The following HIVEP1 variants were observed in gnomAD, a reference collection of about 807,000 sequenced individuals.
The protein encoded by HIVEP1 is zinc finger protein 40.
In HIVEP1, 36 loss-of-function variants were observed where a neutral mutation model predicts 180.0. The observed-to-expected ratio is 0.20, with a 90% CI of 0.15 to 0.26. The LOEUF (loss-of-function observed/expected upper bound fraction) is 0.26. Ranked by LOEUF, HIVEP1 falls within the 10% of genes least tolerant of loss-of-function variation. The pLI is 1.00. For synonymous variants in HIVEP1, 1,239 were observed against 1,239.0 expected (o/e 1.00, Z 0.00); for missense variants, 3,143 against 3,268.7 (o/e 0.96, Z 0.94).
rs1760435353 is a variant in HIVEP1, at chr6:12,161,929, G to A, written c.6978G>A (p.Gln2326=). The A allele has an allele frequency of 6.3e-7, 1 of 1,592,650 alleles. No individual in the cohort carries two copies. The highest frequency in any genetic ancestry group is 1.4e-5 in the African/African-American group (1 of 74,026). The change falls in exon 8 of 9, where the codon CAG becomes CAA. Residue 2326 remains glutamine (Q), a splice_region_variant and synonymous_variant. Coordinates refer to ENST00000379388, the MANE Select transcript of HIVEP1 (RefSeq NM_002114.4). ...CAGGAAAAGCTGTTGCTATAACACA[G>A]GTAAATGATTGGCAGTTGTTCTTTT... is the stretch of plus-strand genomic sequence containing the variant. ...SMAGKAVAIT[Q]SPSSVRLPPA...
At chr6:12,015,174 TTGTCC>T (rs1388929476) in intron 1 of HIVEP1, among the ~76,000 whole-genome samples, 2 of 152,206 alleles carry the variant, frequency 1.3e-5, no homozygotes, top group African/African-American at 4.8e-5. Context: ...GAACAAGACA[TTGTCC>T]CTGCCCCTAT....
chr6:12,123,904 A>G lies in HIVEP1; in HGVS notation c.4109A>G (p.Gln1370Arg), dbSNP rs1757878286. The G allele has an allele frequency of 6.2e-7, 1 of 1,614,090 alleles. No homozygotes were observed. Among genetic ancestry groups the G allele is most frequent in the Non-Finnish European group, 8.5e-7 (1 of 1,180,026 alleles). Residue 1370 changes from glutamine to arginine, a missense_variant, in exon 4 of 9, where the codon CAG (glutamine) becomes CGG (arginine). Gln to Arg is a conservative substitution (Grantham distance 43). Transcript: ENST00000379388. ...HREMRRTASE[Q>R]INCTQTSMEV... ...GAAATGAGGCGTACTGCATCAGAAC[A>G]GATTAATTGCACGCAAACGTCAATG...
chr6:12,056,855 C>G (rs1581595657), intron 2 of HIVEP1, among the ~76,000 whole-genome samples: 1 of 142,062 alleles, frequency 7.0e-6, no homozygotes, highest in African/African-American at 2.7e-5. Context: ...TTTTTTTTTT[C>G]AAACAGAATC....
chr6:12,197,506 T>TG, the HIVEP1 span, among the ~76,000 whole-genome samples: 1 of 142,280 alleles, frequency 7.0e-6, no homozygotes, highest in Non-Finnish European at 1.5e-5. Context: ...TGAGCCGAGG[T>TG]CGAGCCACTG....
the HIVEP1 span, among the ~76,000 whole-genome samples, chr6:12,199,422 C>T: frequency 0.02 from 2,765 of 135,176 alleles, 92 homozygotes; most frequent in African/African-American, 0.074. Context: ...AGGACAATGG[C>T]GTGATCTCGG....
intron 7 of HIVEP1, among the ~76,000 whole-genome samples, chr6:12,154,618 C>T (rs1759910009): frequency 6.6e-6 from 1 of 151,550 alleles, no homozygotes; most frequent in Non-Finnish European, 1.5e-5. Context: ...AGGAGGGGAA[C>T]ATCACACACC....
At position 12,125,471 on chromosome 6, in the gene HIVEP1, C is replaced by T. The variant is rs748545630; in HGVS notation, c.5676C>T (p.Asn1892=). Residue 1892 remains asparagine (N), a synonymous_variant, in exon 4 of 9, where the codon AAC becomes AAT. Coordinates refer to ENST00000379388, the MANE Select transcript of HIVEP1 (RefSeq NM_002114.4). ...CTCCTTTGAAATGTACAGACAATAA[C>T]CAAGAAAGGAAGTCTCCAGGGGTTA... ...HISPLKCTDN[N]QERKSPGVKN... 1 of 1,614,012 alleles carries T rather than the reference C, an allele frequency of 6.2e-7. No homozygotes were observed. The highest frequency in any genetic ancestry group is 8.5e-7 in the Non-Finnish European group (1 of 1,179,986).
rs1172405619 is a variant in HIVEP1, at chr6:12,129,856, A to G, written c.6173A>G (p.Lys2058Arg). The G allele has an allele frequency of 6.4e-7, 1 of 1,574,432 alleles. No homozygotes were observed. The highest frequency in any genetic ancestry group is 8.7e-7 in the Non-Finnish European group (1 of 1,146,438). The change falls in exon 5 of 9, where the codon AAA becomes AGA. Residue 2058 changes from lysine to arginine, a missense_variant. Physicochemically the swap from Lys to Arg is conservative, Grantham distance 26. Coordinates refer to ENST00000379388, the MANE Select transcript of HIVEP1 (RefSeq NM_002114.4). ...SEQDKENSLI[K>R]SEPRRIKIFD... ...CAAGATAAAGAAAATTCCTTAATCA[A>G]AAGTGAACCAAGAAGAATTAAAATA...
chr6:12,060,950 G>T (rs1222422790), intron 2 of HIVEP1, among the ~76,000 whole-genome samples: 1 of 152,164 alleles, frequency 6.6e-6, no homozygotes, highest in Non-Finnish European at 1.5e-5. Flanking sequence ...CTTCTCTGTG[G>T]CTGCGGTTGC....
chr6:12,198,027 A>C, the HIVEP1 span, among the ~76,000 whole-genome samples: 79 of 152,346 alleles, frequency 5.2e-4, no homozygotes, highest in African/African-American at 1.7e-3. Context: ...ACTGCCTAAA[A>C]GCATAGGTGA....
chr6:12,136,836 AAT>A (rs1227272657), intron 7 of HIVEP1, among the ~76,000 whole-genome samples: 1 of 152,242 alleles, frequency 6.6e-6, no homozygotes, highest in African/African-American at 2.4e-5. Flanking sequence ...AGAGAATAGA[AAT>A]ATGTTTTTGT....
chr6:12,050,567 CAGAG>C (rs927511414), intron 2 of HIVEP1, among the ~76,000 whole-genome samples: 7 of 150,000 alleles, frequency 4.7e-5, no homozygotes, highest in South Asian at 2.1e-4. Flanking sequence ...GCCTGGGCGA[CAGAG>C]AGAGACTCCG....
Position 12,156,081 on chromosome 6 carries a change from T to C in HIVEP1, c.6488-5358T>C, listed in dbSNP as rs1230290565. 4.6e-5 allele frequency among the ~76,000 whole-genome samples: 7 copies of C among 152,188 alleles called. No individual in the cohort carries two copies. In the East Asian group the frequency reaches 1.3e-3, roughly 29 times the overall value. On this transcript the variant is annotated intron_variant, in intron 7 of 8. Coordinates refer to ENST00000379388, the MANE Select transcript of HIVEP1 (RefSeq NM_002114.4). Reference sequence around the variant, plus strand: ...GAAGTGCCTATTCATGTCCTTTGCCTGCTTTTTAATCGGGTTACTTTTTTT... The same window carrying C: ...GAAGTGCCTATTCATGTCCTTTGCCCGCTTTTTAATCGGGTTACTTTTTTT...
the HIVEP1 span, among the ~76,000 whole-genome samples, chr6:12,195,523 T>C: frequency 6.6e-6 from 1 of 152,214 alleles, no homozygotes; most frequent in Non-Finnish European, 1.5e-5. Flanking sequence ...CTCTACAATT[T>C]TACATCTAGT....
intron 2 of HIVEP1, among the ~76,000 whole-genome samples, chr6:12,018,018 TG>T: frequency 1.3e-5 from 2 of 152,278 alleles, no homozygotes; most frequent in South Asian, 4.1e-4. Flanking sequence ...GCCCATGGCG[TG>T]GGGGGTGCTT....
chr6:12,196,831 A>G, the HIVEP1 span, among the ~76,000 whole-genome samples: 11 of 152,336 alleles, frequency 7.2e-5, no homozygotes, highest in Admixed American at 2.0e-4. Flanking sequence ...ATTTCATTTA[A>G]CTAAGATTTA....
rs1760608966 is a variant in HIVEP1, at chr6:12,164,242, C to T, written c.7938C>T (p.Pro2646=). 1 of 1,614,136 alleles carries T rather than the reference C, an allele frequency of 6.2e-7. No individual in the cohort carries two copies. Among genetic ancestry groups the T allele is most frequent in the Non-Finnish European group, 8.5e-7 (1 of 1,180,022 alleles). Residue 2646 remains proline, a synonymous_variant, in exon 9 of 9, where the codon CCC becomes CCT. Coordinates refer to ENST00000379388, the MANE Select transcript of HIVEP1 (RefSeq NM_002114.4). ...EKAASANHVK[P]KPELTSIQGQ... is the part of the protein sequence containing the mutation. ...CTGCCTCGGCAAATCACGTGAAGCC[C>T]AAGCCTGAACTCACTTCCATACAGG... is the stretch of plus-strand genomic sequence containing the variant.
intron 7 of HIVEP1, among the ~76,000 whole-genome samples, chr6:12,137,612 G>GT (rs67584103): frequency 0.95 from 142,030 of 149,420 alleles, 67,510 homozygotes; most frequent in East Asian, 0.97. Context: ...TGTGCTCAAA[G>GT]TTTTTTTTTT....
At chr6:12,167,967 T>G (rs1760774558), downstream of HIVEP1, among the ~76,000 whole-genome samples, 1 of 119,262 alleles carries the variant, frequency 8.4e-6, no homozygotes, top group African/African-American at 3.1e-5. Flanking sequence ...TATGTATATA[T>G]TATATATACA....
Sources: allele counts gnomAD v4.1 joint callset (sites outside exome capture counted in the v4.1 genomes callset), GRCh38; gene constraint gnomAD v4.1.1; transcripts MANE v1.5; gene names NCBI Gene and HGNC (gene_info 2026-07-23, HGNC 2026-07-21).